ZZEF1: variants seen among roughly 807,000 people sequenced by gnomAD.
The protein encoded by ZZEF1 is zinc finger ZZ-type and EF-hand domain containing 1, also known as zinc finger ZZ-type and EF-hand domain-containing protein 1.
ZZEF1 carries 157 observed loss-of-function variants against 342.8 expected under a neutral mutation model. That is an observed-to-expected ratio of 0.46 (90% CI 0.40 to 0.52). The LOEUF (loss-of-function observed/expected upper bound fraction) is 0.52, where lower values mean the gene tolerates loss of function less well. Ranked by LOEUF, ZZEF1 falls within the 20% of genes least tolerant of loss-of-function variation. The probability of loss-of-function intolerance (pLI) is 0.00; values close to 1 mark genes in which losing one functional copy is unlikely to be tolerated. For missense variants in ZZEF1, 3,480 were observed against 3,725.6 expected (o/e 0.93, Z 1.72); for synonymous variants, 1,505 against 1,429.1 (o/e 1.05, Z -1.20).
chr17:4,071,563 C>G (rs954281746), intron 25 of ZZEF1: 3 of 152,274 alleles, frequency 2.0e-5, no homozygotes, highest in Admixed American at 6.6e-5. Flanking sequence ...AATGAGGGCC[C>G]GGATAAAGAT....
intron 53 of ZZEF1, 124 bp downstream of exon 53, chr17:4,009,480 C>T: frequency 3.0e-6 from 4 of 1,332,120 alleles, no homozygotes; most frequent in Non-Finnish European, 4.2e-6. Context: ...CATGCCTGTC[C>T]TGTGTGGCCT....
rs941192637 is a variant in ZZEF1 at position 4,044,480 on chromosome 17, T to C, written c.6016-106A>G. 9.0e-6 allele frequency: 9 copies of C among 997,898 alleles called. No homozygotes were observed. The Admixed American group carries it at 2.0e-4, about 22-fold the overall frequency. 61.8% of individuals were successfully genotyped at this position (997,898 alleles called of 1,614,324 possible). A position where few individuals can be genotyped will look rare whatever the true frequency, so the allele number is the denominator to read the frequency against. On this transcript the variant is annotated intron_variant, in intron 37 of 54. Coordinates refer to ENST00000381638, the MANE Select transcript of ZZEF1 (RefSeq NM_015113.4). Reference sequence around the variant, plus strand: ...AGCCAGTCTTCATAGACTAAAAAACTTTTGAATGCCATTAGAAAATGCCAC... The same window carrying C: ...AGCCAGTCTTCATAGACTAAAAAACCTTTGAATGCCATTAGAAAATGCCAC...
intron 4 of ZZEF1, among the ~76,000 whole-genome samples, chr17:4,113,298 A>C (rs1441494825): frequency 1.3e-5 from 2 of 152,198 alleles, no homozygotes; most frequent in African/African-American, 4.8e-5. Context: ...CAGAAATACC[A>C]CTGTTTATTA....
rs781668032 is a variant in ZZEF1, at chr17:4,041,252, A to G, written c.6306+1177T>C. Among the ~76,000 whole-genome samples the G allele has an allele frequency of 5.3e-4, 80 of 152,200 alleles. 1 individual carries two copies. Among genetic ancestry groups the G allele is most frequent in the Non-Finnish European group, 3.1e-4 (21 of 68,024 alleles). On this transcript the variant is annotated intron_variant, in intron 39 of 54. Coordinates refer to ENST00000381638, the MANE Select transcript of ZZEF1 (RefSeq NM_015113.4). The stretch of plus-strand genomic sequence containing the variant: ...CGTGCACCATACAACCTTCTGAGCT[A>G]CAGTGTGGTCTTCTGGAGGGATTTC...
At chr17:4,085,898 T>C in intron 15 of ZZEF1, 95 bp from the exon 16 acceptor site, 12 of 1,467,088 alleles carry the variant, frequency 8.2e-6, no homozygotes, top group Non-Finnish European at 1.1e-5. Context: ...ACTCTCCATT[T>C]TGTACTTAAT....
intron 3 of ZZEF1, among the ~76,000 whole-genome samples, chr17:4,116,403 T>G (rs1336788113): frequency 2.0e-5 from 3 of 152,270 alleles, no homozygotes; most frequent in Non-Finnish European, 4.4e-5. Flanking sequence ...CATCCTGATT[T>G]ATAACACTGA....
intron 39 of ZZEF1, among the ~76,000 whole-genome samples, chr17:4,036,731 T>TA (rs1258744106): frequency 2.9e-5 from 3 of 105,186 alleles, no homozygotes; most frequent in African/African-American, 8.5e-5. Flanking sequence ...AACTCCATCT[T>TA]CAAAAAAAAA....
At position 4,014,006 on chromosome 17, in the gene ZZEF1, C is replaced by T; in HGVS notation, c.8413+84G>A. ...GACAAGTACCTGCTTTGATTTTAAC[C>T]AAGATCAGTGACATCATGGCACCCA... On this transcript the variant is annotated intron_variant, in intron 51 of 54. Transcript: ENST00000381638. The surrounding 1 kb of genome is among the most constrained non-coding windows in gnomAD (Gnocchi z 4.4). 1 of 1,328,956 alleles carries T rather than the reference C, an allele frequency of 7.5e-7. No individual in the cohort carries two copies. 82.3% of individuals were successfully genotyped at this position (1,328,956 alleles called of 1,614,324 possible). A position where few individuals can be genotyped will look rare whatever the true frequency, so the allele number is the denominator to read the frequency against.
chr17:4,009,353 G>A, intron 53 of ZZEF1: 2 of 594,542 alleles, frequency 3.4e-6, no homozygotes, highest in South Asian at 4.0e-5. Flanking sequence ...CTGTTGTCAA[G>A]GGCTGATCCC....
intron 38 of ZZEF1, 94 bp from the exon 39 acceptor site, chr17:4,042,662 AATAAAGCTGGGATTTTATTC>A: frequency 7.8e-7 from 1 of 1,287,472 alleles, no homozygotes; most frequent in East Asian, 2.5e-5. Context: ...GCTGCTACGG[AATAAAGCTGGGATTTTATTC>A]ATTTATTTTT....
intron 1 of ZZEF1, among the ~76,000 whole-genome samples, chr17:4,129,567 G>A (rs796212111): frequency 6.6e-5 from 10 of 152,216 alleles, no homozygotes; most frequent in African/African-American, 2.2e-4. Context: ...GGCTGGGCAC[G>A]GTGGCTGACA....
At chr17:4,021,862 G>C (rs2144986066) in intron 44 of ZZEF1, among the ~76,000 whole-genome samples, 1 of 151,666 alleles carries the variant, frequency 6.6e-6, no homozygotes, top group South Asian at 2.1e-4. Flanking sequence ...AAAATGCATA[G>C]AAACAAAACG....
chr17:4,060,752 A>G (rs1279179208), intron 30 of ZZEF1, among the ~76,000 whole-genome samples: 1 of 152,126 alleles, frequency 6.6e-6, no homozygotes, highest in African/African-American at 2.4e-5. Flanking sequence ...GAAAAGTAAC[A>G]ATCACATAGG....
intron 37 of ZZEF1, among the ~76,000 whole-genome samples, chr17:4,048,260 T>C (rs1263419170): frequency 6.6e-6 from 1 of 152,204 alleles, no homozygotes; most frequent in Non-Finnish European, 1.5e-5. Context: ...ACAGGCTTGA[T>C]GATTATGTGG....
intron 19 of ZZEF1, 25 bp downstream of exon 19, chr17:4,077,858 T>G: frequency 6.2e-7 from 1 of 1,609,834 alleles, no homozygotes; most frequent in Admixed American, 1.7e-5. Flanking sequence ...CCATCTGTTT[T>G]CATGGATTTT....
rs1017141609 is a variant in ZZEF1, at chr17:4,058,208, C to T, written c.5004-53G>A. The T allele has an allele frequency of 4.6e-6, 7 of 1,523,464 alleles. No homozygotes were observed. In the South Asian group the frequency reaches 6.3e-5, roughly 14 times the overall value. 94.4% of individuals were successfully genotyped at this position (1,523,464 alleles called of 1,614,324 possible). On this transcript the variant is annotated intron_variant, in intron 31 of 54. Coordinates refer to ENST00000381638, the MANE Select transcript of ZZEF1 (RefSeq NM_015113.4). Reference sequence around the variant, plus strand: ...CAGAGCTGCTTACTCCCAACAGAGGCAACAGAAGCAATTCAAGTAGGTGAC... The same window carrying T: ...CAGAGCTGCTTACTCCCAACAGAGGTAACAGAAGCAATTCAAGTAGGTGAC...
chr17:4,042,969 A>G (rs2056834171), intron 38 of ZZEF1, among the ~76,000 whole-genome samples: 1 of 152,196 alleles, frequency 6.6e-6, no homozygotes, highest in Non-Finnish European at 1.5e-5. Flanking sequence ...GGCCTGAGCC[A>G]CTGCTCCCGG....
Position 4,064,584 on chromosome 17 carries a change from A to C in ZZEF1, c.4495T>G (p.Ser1499Ala), listed in dbSNP as rs369323854. The change falls in exon 29 of 55, where the codon TCC (serine) becomes GCC (alanine). Residue 1499 changes from serine to alanine, a missense_variant. Transcript: ENST00000381638. ...TCTGCAGCAGGAAGGCCACTGCTGG[A>C]TGGCAGCTTTGGCTGGGTGCCCAGG... Reference protein sequence around the residue: ...PGLGTQPKLPSSSGLPAADVS... With the variant: ...PGLGTQPKLPASSGLPAADVS... 1 of 1,614,028 alleles carries C rather than the reference A, an allele frequency of 6.2e-7. No homozygotes were observed.
At chr17:4,078,454 T>C (rs1467583217) in intron 18 of ZZEF1, among the ~76,000 whole-genome samples, 1 of 152,234 alleles carries the variant, frequency 6.6e-6, no homozygotes. Flanking sequence ...AAAAGTTTCT[T>C]TGAAGGGTTA....
Sources: gnomAD v4.1 joint callset for allele counts (sites outside exome capture counted in the v4.1 genomes callset) on GRCh38, gnomAD v4.1.1 for gene constraint, Gnocchi (gnomAD v3.1) non-coding constraint, MANE v1.5 for transcripts, NCBI Gene and HGNC (gene_info 2026-07-23, HGNC 2026-07-21) for gene names.